ADAMTS2: variants seen among roughly 807,000 people sequenced by gnomAD.
The protein encoded by ADAMTS2 is ADAM metallopeptidase with thrombospondin type 1 motif 2.
A neutral mutation model predicts 123.0 loss-of-function variants in ADAMTS2; 50 were observed. That is an observed-to-expected ratio of 0.41 (90% CI 0.32 to 0.51). The LOEUF is 0.51. ADAMTS2 is among the 20% of genes least tolerant of loss of function. The pLI, the probability that ADAMTS2 is intolerant of heterozygous loss-of-function variation, is 0.35. For missense variants in ADAMTS2, 1,494 were observed against 1,705.2 expected (o/e 0.88, Z 2.18); for synonymous variants, 678 against 695.4 (o/e 0.98, Z 0.39).
rs1057524562 is a variant in ADAMTS2, at chr5:179,207,631, C to G, written c.773G>C (p.Arg258Pro). The G allele has an allele frequency of 1.9e-6, 3 of 1,613,812 alleles. No individual in the cohort carries two copies. Among genetic ancestry groups the G allele is most frequent in the Non-Finnish European group, 2.5e-6 (3 of 1,180,018 alleles). Residue 258 changes from arginine (R) to proline (P), a missense_variant, in exon 4 of 22, where the codon CGC (arginine) becomes CCC (proline). Arg to Pro is a moderately radical substitution (Grantham distance 103). This residue lies in a region of ADAMTS2 where 184 missense variants were observed against 152.1 expected (regional missense o/e 1.21). Transcript: ENST00000251582. ...EHANSSRRRA[R>P]RHAADDDYNI... is the part of the protein sequence containing the mutation. ...GTAGTCATCGTCCGCAGCATGCCTG[C>G]GTGCCCTCCGCCTCGAGCTGTTGGC...
chr5:179,210,835 C>A (rs1764833497), intron 3 of ADAMTS2, among the ~76,000 whole-genome samples: 1 of 152,250 alleles, frequency 6.6e-6, no homozygotes. Flanking sequence ...ACGAGTGCCA[C>A]CTCAGTTTTC....
intron 2 of ADAMTS2, among the ~76,000 whole-genome samples, chr5:179,335,142 T>C (rs1270276875): frequency 6.6e-6 from 1 of 152,048 alleles, no homozygotes; most frequent in Non-Finnish European, 1.5e-5. Flanking sequence ...GGGGGACGTA[T>C]CCAGCCAGAT....
intron 2 of ADAMTS2, among the ~76,000 whole-genome samples, chr5:179,274,040 T>C (rs565307788): frequency 7.6e-4 from 87 of 113,940 alleles, no homozygotes; most frequent in Non-Finnish European, 1.3e-3. Flanking sequence ...CTGGTAAACC[T>C]GTGTTCCCCC....
At chr5:179,287,282 C>T (rs1010441953) in intron 2 of ADAMTS2, among the ~76,000 whole-genome samples, 1 of 152,198 alleles carries the variant, frequency 6.6e-6, no homozygotes, top group African/African-American at 2.4e-5. Context: ...ACATGGGATG[C>T]CCATCTCACC....
intron 2 of ADAMTS2, among the ~76,000 whole-genome samples, chr5:179,274,608 G>A (rs546531497): frequency 3.7e-4 from 57 of 152,232 alleles, no homozygotes; most frequent in African/African-American, 9.1e-4. Flanking sequence ...GCACGGTGGC[G>A]CACGGGCTGC....
rs940363077 is a variant in ADAMTS2 at position 179,202,297 on chromosome 5, C to A, written c.891+5216G>T. On this transcript the variant is annotated intron_variant, in intron 4 of 21. Coordinates refer to ENST00000251582, the MANE Select transcript of ADAMTS2 (RefSeq NM_014244.5). This position sits in a 1 kb window ranked among gnomAD's most constrained non-coding sequence, Gnocchi z 4.0. ...CCTTGGCGCCGCCTGCCCCCTCCCC[C>A]AAACCTGGAACAGGCGATCCCTATC... 6.6e-6 allele frequency among the ~76,000 whole-genome samples: 1 copy of A among 152,118 alleles called. No individual in the cohort carries two copies. The highest frequency in any genetic ancestry group is 1.5e-5 in the Non-Finnish European group (1 of 68,032).
chr5:179,294,724 C>T (rs929189179), intron 2 of ADAMTS2, among the ~76,000 whole-genome samples: 1 of 152,244 alleles, frequency 6.6e-6, no homozygotes, highest in Non-Finnish European at 1.5e-5. Context: ...GCCCCTGATG[C>T]CAGAGAAACT....
chr5:179,151,709 A>G (rs1478741560), intron 10 of ADAMTS2, among the ~76,000 whole-genome samples: 1 of 152,176 alleles, frequency 6.6e-6, no homozygotes, highest in Non-Finnish European at 1.5e-5. Flanking sequence ...GCAGCCATCA[A>G]GGGACCTCGA....
chr5:179,143,400 T>G (rs984230625), intron 10 of ADAMTS2, among the ~76,000 whole-genome samples: 2 of 143,550 alleles, frequency 1.4e-5, no homozygotes, highest in African/African-American at 5.3e-5. Flanking sequence ...GCCACTGCGC[T>G]CCAGGCTGGG....
chr5:179,156,038 C>G (rs1008830523), intron 6 of ADAMTS2, among the ~76,000 whole-genome samples: 9 of 152,210 alleles, frequency 5.9e-5, no homozygotes, highest in African/African-American at 2.2e-4. Context: ...AGCGTGGAGT[C>G]TGTGTGCCTG....
chr5:179,259,769 T>C (rs1766166856), intron 3 of ADAMTS2, among the ~76,000 whole-genome samples: 1 of 152,208 alleles, frequency 6.6e-6, no homozygotes, highest in Non-Finnish European at 1.5e-5. Context: ...GTGCTGGTGC[T>C]TGGGCCTGGA....
intron 2 of ADAMTS2, among the ~76,000 whole-genome samples, chr5:179,316,326 G>C (rs939078974): frequency 2.2e-4 from 34 of 152,216 alleles, no homozygotes; most frequent in Admixed American, 2.2e-3. Context: ...CAGGGACAGA[G>C]GCCACACCAG....
intron 19 of ADAMTS2, among the ~76,000 whole-genome samples, chr5:179,123,823 C>T (rs937365443): frequency 1.7e-4 from 26 of 152,236 alleles, no homozygotes; most frequent in African/African-American, 6.0e-4. Flanking sequence ...TGCCTGAGGC[C>T]TTGAGTCACC....
chr5:179,328,670 G>A (rs1031417239), intron 2 of ADAMTS2, among the ~76,000 whole-genome samples: 2 of 152,178 alleles, frequency 1.3e-5, no homozygotes, highest in African/African-American at 2.4e-5. Flanking sequence ...CAGGTCCCAG[G>A]TATTCTGAGT....
At position 179,272,957 on chromosome 5, in the gene ADAMTS2, C is replaced by T. The variant is rs1162302374; in HGVS notation, c.642G>A (p.Arg214=). The T allele has an allele frequency of 1.2e-6, 2 of 1,612,388 alleles. No individual in the cohort carries two copies. Among genetic ancestry groups the T allele is most frequent in the East Asian group, 2.2e-5 (1 of 44,848 alleles). Residue 214 remains arginine, a synonymous_variant, in exon 3 of 22, where the codon CGG becomes CGA. Coordinates refer to ENST00000251582, the MANE Select transcript of ADAMTS2 (RefSeq NM_014244.5). This position sits in a 1 kb window ranked among gnomAD's most constrained non-coding sequence, Gnocchi z 5.8. ...EQGRVHVVYR[R]PPTSPPLGGP... ...CCCCGAGAGGAGGGGACGTGGGTGG[C>T]CGGCGATACACCACATGCACACGGC...
At position 179,302,534 on chromosome 5, in the gene ADAMTS2, C is replaced by T. The variant is rs189647017; in HGVS notation, c.535-29470G>A. On this transcript the variant is annotated intron_variant, in intron 2 of 21. Transcript: ENST00000251582. ...CTGAGGACTTGTGGCCCAGTGGGTC[C>T]GGCTTCCCAACCTCCACCTTGCCAG... 1.9e-3 allele frequency among the ~76,000 whole-genome samples: 289 copies of T among 152,072 alleles called. 1 individual carries two copies. The highest frequency in any genetic ancestry group is 6.3e-3 in the African/African-American group (263 of 41,482).
chr5:179,292,314 G>A (rs922491986), intron 2 of ADAMTS2, among the ~76,000 whole-genome samples: 2 of 146,036 alleles, frequency 1.4e-5, no homozygotes, highest in East Asian at 2.0e-4. Context: ...CACACATTGT[G>A]AGCGGTAACA....
chr5:179,183,160 GC>G (rs1004663462), intron 4 of ADAMTS2, among the ~76,000 whole-genome samples: 1 of 152,218 alleles, frequency 6.6e-6, no homozygotes, highest in Non-Finnish European at 1.5e-5. Flanking sequence ...AGAAGTCCTT[GC>G]CCAGCTTTGA....
intron 3 of ADAMTS2, among the ~76,000 whole-genome samples, chr5:179,208,686 C>G (rs1310988790): frequency 6.6e-6 from 1 of 152,204 alleles, no homozygotes; most frequent in Non-Finnish European, 1.5e-5. Flanking sequence ...GCTGGCCAGG[C>G]TGACCTGCAG....
Sources: gnomAD v4.1 joint callset for allele counts (sites outside exome capture counted in the v4.1 genomes callset) on GRCh38, gnomAD v4.1.1 for gene constraint, gnomAD v4.1.1 regional missense constraint, Gnocchi (gnomAD v3.1) non-coding constraint, MANE v1.5 for transcripts, NCBI Gene and HGNC (gene_info 2026-07-23, HGNC 2026-07-21) for gene names.